The following APC variants were observed in gnomAD, a reference collection of about 807,000 sequenced individuals.
The protein encoded by APC is adenomatous polyposis coli protein.
A neutral mutation model predicts 247.0 loss-of-function variants in APC; 72 were observed. The observed-to-expected ratio is 0.29, with a 90% CI of 0.24 to 0.35. The LOEUF is 0.35. APC is among the 10% of genes least tolerant of loss of function. The probability of loss-of-function intolerance (pLI) is 1.00; values close to 1 mark genes in which losing one functional copy is unlikely to be tolerated. For missense variants in APC, 3,400 were observed against 3,360.7 expected (o/e 1.01, Z -0.29); for synonymous variants, 1,254 against 1,162.5 (o/e 1.08, Z -1.60).
At chr5:112,716,734 A>G (rs968177371) in intron 1 of APC, among the ~76,000 whole-genome samples, 1 of 152,152 alleles carries the variant, frequency 6.6e-6, no homozygotes, top group Non-Finnish European at 1.5e-5. Context: ...GATGCATAGA[A>G]ATGTGTAATA....
At chr5:112,780,338 T>G (rs930066312) in intron 5 of APC, among the ~76,000 whole-genome samples, 14 of 152,190 alleles carry the variant, frequency 9.2e-5, no homozygotes, top group Non-Finnish European at 2.1e-4. Context: ...TTAATCTGTA[T>G]GTATATGGTA....
intron 2 of APC, among the ~76,000 whole-genome samples, chr5:112,765,311 G>A (rs969733865): frequency 2.0e-5 from 3 of 151,844 alleles, no homozygotes; most frequent in South Asian, 2.1e-4. Flanking sequence ...ACAGAGTCTC[G>A]CTATGTTGTT....
At chr5:112,708,231 C>T (rs1750643267) in intron 1 of APC, among the ~76,000 whole-genome samples, 1 of 152,204 alleles carries the variant, frequency 6.6e-6, no homozygotes, top group Non-Finnish European at 1.5e-5. Flanking sequence ...TTTGGACCCT[C>T]TTGCTTCCTC....
chr5:112,736,610 C>T (rs1169126337), upstream of APC, among the ~76,000 whole-genome samples: 1 of 152,014 alleles, frequency 6.6e-6, no homozygotes, highest in Non-Finnish European at 1.5e-5. Flanking sequence ...TTATAATATG[C>T]TTCATTTAAA....
chr5:112,757,198 T>C (rs1398720319), intron 2 of APC, among the ~76,000 whole-genome samples: 1 of 152,182 alleles, frequency 6.6e-6, no homozygotes, highest in African/African-American at 2.4e-5. Context: ...ATTACAGCCC[T>C]GTAATGAAAT....
intron 8 of APC, 85 bp from the exon 9 acceptor site, chr5:112,815,410 A>C: frequency 1.1e-6 from 1 of 937,790 alleles, no homozygotes; most frequent in Non-Finnish European, 1.7e-6. Flanking sequence ...TCATACAGAC[A>C]CTTCATTTGG....
At chr5:112,824,181 C>G (rs1038816741) in intron 11 of APC, among the ~76,000 whole-genome samples, 6 of 152,176 alleles carry the variant, frequency 3.9e-5, no homozygotes, top group African/African-American at 1.4e-4. Flanking sequence ...ATAGTCCGGT[C>G]TATTTAGACC....
At chr5:112,757,234 T>C (rs1489205441) in intron 2 of APC, among the ~76,000 whole-genome samples, 1 of 152,214 alleles carries the variant, frequency 6.6e-6, no homozygotes, top group Non-Finnish European at 1.5e-5. Flanking sequence ...GGTTTTATGC[T>C]GTGAAAGAGC....
chr5:112,811,729 C>G (rs185899713), intron 8 of APC, among the ~76,000 whole-genome samples: 1 of 152,320 alleles, frequency 6.6e-6, no homozygotes, highest in Admixed American at 6.5e-5. Flanking sequence ...CTCCTGTTTT[C>G]TTTTGTTTCA....
chr5:112,844,779 G>T lies in APC; in HGVS notation c.*653G>T. 4.3e-6 allele frequency: 1 copy of T among 231,946 alleles called. No homozygotes were observed. Among genetic ancestry groups the T allele is most frequent in the Non-Finnish European group, 8.5e-6 (1 of 117,134 alleles). 14.4% of individuals were successfully genotyped at this position (231,946 alleles called of 1,614,324 possible). On this transcript the variant is annotated 3_prime_UTR_variant, in exon 16 of 16. Coordinates refer to ENST00000257430, the MANE Select transcript of APC (RefSeq NM_000038.6). ...TGTGCTCCAAACAAAACAAAAATCT[G>T]TGTAACTGTAAAACATTGAATGAAA...
intron 2 of APC, among the ~76,000 whole-genome samples, chr5:112,764,304 C>G (rs1756024634): frequency 6.6e-6 from 1 of 150,782 alleles, no homozygotes; most frequent in Admixed American, 6.6e-5. Context: ...GCTGCTCTGA[C>G]AGCTCTGTGC....
intron 4 of APC, among the ~76,000 whole-genome samples, chr5:112,768,615 C>G (rs1404480689): frequency 6.6e-6 from 1 of 150,688 alleles, no homozygotes; most frequent in African/African-American, 2.4e-5. Context: ...GTTAGCATAT[C>G]TGTCATCTCA....
intron 4 of APC, among the ~76,000 whole-genome samples, chr5:112,767,917 A>G (rs1371401744): frequency 2.6e-5 from 4 of 152,196 alleles, no homozygotes; most frequent in Non-Finnish European, 5.9e-5. Context: ...ATACGTAGTT[A>G]AAATGTGTAA....
At chr5:112,820,067 C>A (rs1762963307) in intron 10 of APC, among the ~76,000 whole-genome samples, 1 of 152,108 alleles carries the variant, frequency 6.6e-6, no homozygotes, top group Non-Finnish European at 1.5e-5. Flanking sequence ...CCCACTCCCG[C>A]AGGAGCAGCA....
At chr5:112,711,728 C>CA (rs947285613) in intron 1 of APC, among the ~76,000 whole-genome samples, 1 of 151,954 alleles carries the variant, frequency 6.6e-6, no homozygotes, top group African/African-American at 2.4e-5. Flanking sequence ...CTCAAAAAAA[C>CA]AAAAAAACCC....
At chr5:112,736,788 C>G (rs1245073390), upstream of APC, among the ~76,000 whole-genome samples, 1 of 152,090 alleles carries the variant, frequency 6.6e-6, no homozygotes, top group Non-Finnish European at 1.5e-5. Flanking sequence ...ATGGCACGTG[C>G]CTGTAGTCCC....
At chr5:112,757,276 A>G (rs759605221) in intron 2 of APC, among the ~76,000 whole-genome samples, 4 of 152,110 alleles carry the variant, frequency 2.6e-5, no homozygotes, top group Non-Finnish European at 5.9e-5. Context: ...TTGTCTTAGA[A>G]TATTGTTTTG....
intron 1 of APC, among the ~76,000 whole-genome samples, chr5:112,729,988 A>C (rs759691641): frequency 6.6e-6 from 1 of 152,160 alleles, no homozygotes; most frequent in African/African-American, 2.4e-5. Flanking sequence ...CTTATTTGCT[A>C]ATGCCCATAC....
intron 8 of APC, among the ~76,000 whole-genome samples, chr5:112,815,185 T>C (rs190849245): frequency 1.6e-4 from 25 of 152,342 alleles, no homozygotes; most frequent in Admixed American, 4.6e-4. Flanking sequence ...TCAATGAACT[T>C]ATCTGAATGT....
Sources: allele counts gnomAD v4.1 joint callset (sites outside exome capture counted in the v4.1 genomes callset), GRCh38; gene constraint gnomAD v4.1.1; transcripts MANE v1.5; gene names NCBI Gene and HGNC (gene_info 2026-07-23, HGNC 2026-07-21).